The following EYS variants were observed in gnomAD, a reference collection of about 807,000 sequenced individuals.
The protein encoded by EYS is EGF-like photoreceptor maintenance factor, also known as protein eyes shut homolog.
EYS carries 250 observed loss-of-function variants against 282.1 expected under a neutral mutation model. That is an observed-to-expected ratio of 0.89 (90% CI 0.80 to 0.98). The LOEUF (loss-of-function observed/expected upper bound fraction) is 0.98, where lower values mean the gene tolerates loss of function less well. Ranked by LOEUF, EYS falls within the 50% of genes least tolerant of loss-of-function variation. The probability of loss-of-function intolerance (pLI) is 0.00; values close to 1 mark genes in which losing one functional copy is unlikely to be tolerated. For synonymous variants in EYS, 1,355 were observed against 1,282.9 expected, an observed-to-expected ratio of 1.06 and a Z score of -1.20; for missense variants, 4,016 against 3,709.0, an observed-to-expected ratio of 1.08 and a Z score of -2.15.
At chr6:64,295,096 C>G (rs939788363) in intron 30 of EYS, among the ~76,000 whole-genome samples, 1 of 151,324 alleles carries the variant, frequency 6.6e-6, no homozygotes, top group African/African-American at 2.4e-5. Context: ...TGGGTCTGGC[C>G]GGGCACGGTG....
chr6:64,294,011 C>T (rs1028484), intron 30 of EYS, among the ~76,000 whole-genome samples: 108,838 of 151,932 alleles, frequency 0.72, 39,168 homozygotes, highest in African/African-American at 0.79. Context: ...CTGAGGTATA[C>T]GCTACCTAAT....
At chr6:65,462,076 T>C (rs1028977882) in intron 5 of EYS, among the ~76,000 whole-genome samples, 1 of 152,124 alleles carries the variant, frequency 6.6e-6, no homozygotes, top group Non-Finnish European at 1.5e-5. Flanking sequence ...GAATATCTTA[T>C]ACTGGCCACT....
intron 31 of EYS, among the ~76,000 whole-genome samples, chr6:64,115,226 G>A (rs757394158): frequency 2.2e-4 from 33 of 152,160 alleles, no homozygotes; most frequent in Non-Finnish European, 4.9e-4. Context: ...AAGCACCTGT[G>A]CTTCATGCAC....
chr6:64,944,579 T>G (rs917967017), intron 15 of EYS, among the ~76,000 whole-genome samples: 1 of 152,052 alleles, frequency 6.6e-6, no homozygotes, highest in Non-Finnish European at 1.5e-5. Context: ...CCCCATATGA[T>G]AGTCTGAAAT....
chr6:65,036,358 C>T (rs1772771546), intron 13 of EYS, among the ~76,000 whole-genome samples: 1 of 151,666 alleles, frequency 6.6e-6, no homozygotes, highest in Non-Finnish European at 1.5e-5. Context: ...ATAAATGTAT[C>T]ACCTAAAACT....
intron 24 of EYS, among the ~76,000 whole-genome samples, chr6:64,600,925 T>G (rs980265343): frequency 2.0e-5 from 3 of 152,142 alleles, no homozygotes; most frequent in African/African-American, 7.2e-5. Flanking sequence ...GTAGCTTTCA[T>G]GTCTTCTTGC....
At chr6:65,639,269 A>T (rs1260132603) in intron 2 of EYS, among the ~76,000 whole-genome samples, 1 of 152,160 alleles carries the variant, frequency 6.6e-6, no homozygotes, top group Non-Finnish European at 1.5e-5. Context: ...AAAGGAAGAG[A>T]ATAGAACTCT....
At chr6:64,883,980 C>G (rs1420390514) in intron 19 of EYS, among the ~76,000 whole-genome samples, 1 of 151,490 alleles carries the variant, frequency 6.6e-6, no homozygotes, top group Non-Finnish European at 1.5e-5. Context: ...AGAATAAGAA[C>G]CATGTCAGCC....
chr6:65,218,872 G>T (rs879501195), intron 12 of EYS, among the ~76,000 whole-genome samples: 2 of 151,986 alleles, frequency 1.3e-5, no homozygotes, highest in Non-Finnish European at 2.9e-5. Flanking sequence ...GAAGAGAAAA[G>T]GGTAGAAAAA....
chr6:64,467,144 G>A (rs1348392740), intron 26 of EYS, among the ~76,000 whole-genome samples: 2 of 151,990 alleles, frequency 1.3e-5, no homozygotes, highest in Non-Finnish European at 2.9e-5. Context: ...TAATAACATG[G>A]GACAAAATGC....
At chr6:65,553,386 G>C (rs1478861252) in intron 2 of EYS, among the ~76,000 whole-genome samples, 1 of 152,096 alleles carries the variant, frequency 6.6e-6, no homozygotes, top group Non-Finnish European at 1.5e-5. Context: ...TAAAACTGTA[G>C]AAACATGAAA....
At chr6:65,344,250 G>A (rs1770312214) in intron 9 of EYS, 73 bp from the exon 10 acceptor site, 3 of 1,226,638 alleles carry the variant, frequency 2.4e-6, no homozygotes, top group Non-Finnish European at 2.4e-6. Context: ...ATTAAGGACT[G>A]TGGTCAAATT....
intron 1 of EYS, among the ~76,000 whole-genome samples, chr6:65,652,505 T>C (rs1455065767): frequency 6.6e-6 from 1 of 151,992 alleles, no homozygotes; most frequent in Admixed American, 6.6e-5. Flanking sequence ...TATTTTGAAA[T>C]TTTTTAATGT....
intron 2 of EYS, among the ~76,000 whole-genome samples, chr6:65,629,377 C>G (rs1203194096): frequency 6.6e-6 from 1 of 152,156 alleles, no homozygotes; most frequent in Non-Finnish European, 1.5e-5. Context: ...ATTAGTCAGG[C>G]TGCAATTTGA....
chr6:64,040,298 A>G lies in EYS; in HGVS notation c.6725+26040T>C, dbSNP rs549057541. Among the ~76,000 whole-genome samples the G allele has an allele frequency of 9.2e-5, 14 of 152,294 alleles. No homozygotes were observed. The South Asian group carries it at 2.7e-3, about 29-fold the overall frequency. ...TGGAAGATGCCTCAGAGTTACTAGTAATGCTATGGGGGTGGTGGTGAATAG... is the reference window on the plus strand; with the variant it reads ...TGGAAGATGCCTCAGAGTTACTAGTGATGCTATGGGGGTGGTGGTGAATAG... On this transcript the variant is annotated intron_variant, in intron 33 of 42. Coordinates refer to ENST00000503581, the MANE Select transcript of EYS (RefSeq NM_001142800.2).
intron 14 of EYS, among the ~76,000 whole-genome samples, chr6:64,968,634 G>A (rs933907766): frequency 6.6e-6 from 1 of 151,846 alleles, no homozygotes; most frequent in African/African-American, 2.4e-5. Context: ...CCCTCAATTT[G>A]GCTTCCAAAA....
At chr6:64,424,613 G>A (rs986225554) in intron 28 of EYS, among the ~76,000 whole-genome samples, 2 of 152,126 alleles carry the variant, frequency 1.3e-5, no homozygotes, top group Admixed American at 6.6e-5. Flanking sequence ...ATTTCTTCCC[G>A]TGCTAATTTT....
intron 12 of EYS, among the ~76,000 whole-genome samples, chr6:65,082,226 T>C (rs1294724306): frequency 6.6e-6 from 1 of 152,082 alleles, no homozygotes; most frequent in East Asian, 1.9e-4. Flanking sequence ...AATCATTCTT[T>C]CTGAGATTAC....
At chr6:64,415,491 T>C (rs904003773) in intron 28 of EYS, among the ~76,000 whole-genome samples, 1 of 152,194 alleles carries the variant, frequency 6.6e-6, no homozygotes, top group Non-Finnish European at 1.5e-5. Flanking sequence ...TCTGTCCTAA[T>C]AGAGAATTAC....
Sources: gnomAD v4.1 joint callset for allele counts (sites outside exome capture counted in the v4.1 genomes callset) on GRCh38, gnomAD v4.1.1 for gene constraint, MANE v1.5 for transcripts, NCBI Gene and HGNC (gene_info 2026-07-23, HGNC 2026-07-21) for gene names.